The following NFIB variants were observed in gnomAD, a reference collection of about 807,000 sequenced individuals.
NFIB encodes nuclear factor I B.
NFIB carries 11 observed loss-of-function variants against 61.5 expected under a neutral mutation model. The observed-to-expected ratio is 0.18, with a 90% CI of 0.11 to 0.30. The LOEUF is 0.30. Among genes scored for constraint, NFIB ranks in the 10% least tolerant of loss-of-function variants. The pLI is 1.00. For synonymous variants in NFIB, 260 were observed against 216.5 expected, an observed-to-expected ratio of 1.20 and a Z score of -1.76; for missense variants, 471 against 608.9, an observed-to-expected ratio of 0.77 and a Z score of 2.38.
At chr9:14,405,985 G>A in the NFIB span, among the ~76,000 whole-genome samples, 1 of 152,188 alleles carries the variant, frequency 6.6e-6, no homozygotes, top group Non-Finnish European at 1.5e-5. Flanking sequence ...TACTGCCAAA[G>A]AAACCATAAA....
chr9:14,191,990 G>A (rs555404464), intron 2 of NFIB, among the ~76,000 whole-genome samples: 1 of 152,268 alleles, frequency 6.6e-6, no homozygotes, highest in East Asian at 1.9e-4. Context: ...GTTCTAGATA[G>A]TGCTTGGTTA....
At chr9:14,463,995 G>A in the NFIB span, among the ~76,000 whole-genome samples, 1 of 152,116 alleles carries the variant, frequency 6.6e-6, no homozygotes, top group South Asian at 2.1e-4. Flanking sequence ...TCTACGATGG[G>A]GTCTGAGGCT....
At chr9:14,449,537 G>A in the NFIB span, among the ~76,000 whole-genome samples, 3 of 152,202 alleles carry the variant, frequency 2.0e-5, no homozygotes, top group Admixed American at 6.5e-5. Flanking sequence ...TGAGTTGAAA[G>A]TGTGATCATA....
At chr9:14,471,658 T>C in the NFIB span, among the ~76,000 whole-genome samples, 4 of 152,204 alleles carry the variant, frequency 2.6e-5, no homozygotes, top group Non-Finnish European at 4.4e-5. Flanking sequence ...AATTTAAGGT[T>C]TTTCTGGTTC....
the NFIB span, among the ~76,000 whole-genome samples, chr9:14,463,214 C>G: frequency 6.6e-6 from 1 of 151,218 alleles, no homozygotes; most frequent in Non-Finnish European, 1.5e-5. Flanking sequence ...TTTAAATAAA[C>G]TGCCTATGGT....
the NFIB span, among the ~76,000 whole-genome samples, chr9:14,451,147 C>T: frequency 6.6e-6 from 1 of 152,202 alleles, no homozygotes; most frequent in African/African-American, 2.4e-5. Context: ...GAGTTGACAT[C>T]AGCTCCTACC....
chr9:14,260,438 T>C lies in NFIB; in HGVS notation c.562+46551A>G, dbSNP rs146507322. ...TTAATTCATGTTCTTACTTAGTTTA[T>C]GTAGCTTATGTGAAACTCGTTTGTC... On this transcript the variant is annotated intron_variant, in intron 2 of 10. Coordinates refer to ENST00000380953, the MANE Select transcript of NFIB (RefSeq NM_001190737.2). Among the ~76,000 whole-genome samples the C allele has an allele frequency of 6.9e-3, 1,044 of 152,366 alleles. 15 individuals are homozygous for C. Among genetic ancestry groups the C allele is most frequent in the African/African-American group, 0.023 (953 of 41,590 alleles).
At position 14,167,153 on chromosome 9, in the gene NFIB, C is replaced by G. The variant is rs78878592; in HGVS notation, c.617-11260G>C. On this transcript the variant is annotated intron_variant, in intron 3 of 10. Coordinates refer to ENST00000380953, the MANE Select transcript of NFIB (RefSeq NM_001190737.2). Reference sequence around the variant, plus strand: ...TAATTGGAAGAGACAGAAAACAGATCAATAAGTCATCTGAAGATGAGGGTA... The same window carrying G: ...TAATTGGAAGAGACAGAAAACAGATGAATAAGTCATCTGAAGATGAGGGTA... Among the ~76,000 whole-genome samples, 443 of 149,800 alleles carry G rather than the reference C, an allele frequency of 3.0e-3. 3 individuals carry two copies. The highest frequency in any genetic ancestry group is 0.01 in the African/African-American group (420 of 40,800).
intron 6 of NFIB, among the ~76,000 whole-genome samples, chr9:14,133,000 G>A (rs936318673): frequency 6.6e-6 from 1 of 152,104 alleles, no homozygotes; most frequent in African/African-American, 2.4e-5. Flanking sequence ...CTGACCAGAG[G>A]AGTTTGATAC....
chr9:14,098,316 G>A (rs1405220570), intron 10 of NFIB, among the ~76,000 whole-genome samples: 1 of 152,088 alleles, frequency 6.6e-6, no homozygotes, highest in Non-Finnish European at 1.5e-5. Context: ...GTGGCTTTGC[G>A]TTTTCTTGAA....
chr9:14,231,522 T>C lies in NFIB; in HGVS notation c.563-51742A>G, dbSNP rs1033652604. ...GATCTTTTATCACAAACTATTTTGA[T>C]TGCATAGAAAGAAAAGTGCTAAGTA... On this transcript the variant is annotated intron_variant, in intron 2 of 10. Transcript: ENST00000380953. Among the ~76,000 whole-genome samples, 6 of 152,126 alleles carry C rather than the reference T, an allele frequency of 3.9e-5. No individual in the cohort carries two copies. The East Asian group carries it at 5.8e-4, about 15-fold the overall frequency.
At chr9:14,119,119 A>C (rs2038585086) in intron 8 of NFIB, among the ~76,000 whole-genome samples, 1 of 152,098 alleles carries the variant, frequency 6.6e-6, no homozygotes, top group African/African-American at 2.4e-5. Flanking sequence ...ATTCTACACA[A>C]ATTAAAATCA....
chr9:14,265,503 A>G (rs1261351754), intron 2 of NFIB, among the ~76,000 whole-genome samples: 2 of 152,180 alleles, frequency 1.3e-5, no homozygotes, highest in Non-Finnish European at 2.9e-5. Flanking sequence ...AAGCCAAGAG[A>G]AGAAGCTTCA....
chr9:14,314,304 C>T (rs1416171134), upstream of NFIB: 1 of 306,238 alleles, frequency 3.3e-6, no homozygotes, highest in Non-Finnish European at 4.8e-6. Context: ...CCGCCGCCCG[C>T]GCCGGGTCTT....
chr9:14,194,255 C>T (rs1419308962), intron 2 of NFIB, among the ~76,000 whole-genome samples: 1 of 152,150 alleles, frequency 6.6e-6, no homozygotes, highest in African/African-American at 2.4e-5. Flanking sequence ...ATAACTTTCA[C>T]TTTTTATGTT....
the NFIB span, among the ~76,000 whole-genome samples, chr9:14,435,116 G>T: frequency 6.6e-6 from 1 of 152,106 alleles, no homozygotes; most frequent in Admixed American, 6.5e-5. Flanking sequence ...ATTCTTGCTT[G>T]GAGTTCCTGC....
chr9:14,195,235 G>C (rs753350600), intron 2 of NFIB, among the ~76,000 whole-genome samples: 1 of 152,102 alleles, frequency 6.6e-6, no homozygotes, highest in Admixed American at 6.5e-5. Context: ...GCCAGAGATG[G>C]CAAGGTTTGA....
chr9:14,465,459 G>T, the NFIB span, among the ~76,000 whole-genome samples: 1 of 152,018 alleles, frequency 6.6e-6, no homozygotes, highest in Admixed American at 6.6e-5. Context: ...GAATTCAAAG[G>T]CCTCTGCATA....
At chr9:14,423,824 G>A in the NFIB span, among the ~76,000 whole-genome samples, 17 of 152,204 alleles carry the variant, frequency 1.1e-4, no homozygotes, top group African/African-American at 3.6e-4. Flanking sequence ...CTGATTGTGG[G>A]GAACTGTGCA....
Sources: gnomAD v4.1 joint callset for allele counts (sites outside exome capture counted in the v4.1 genomes callset) on GRCh38, gnomAD v4.1.1 for gene constraint, MANE v1.5 for transcripts, NCBI Gene and HGNC (gene_info 2026-07-23, HGNC 2026-07-21) for gene names.